Variants in SLC5A4 observed in about 807,000 individuals in gnomAD.
SLC5A4 encodes the protein probable glucose sensor protein SLC5A4.
SLC5A4 carries 55 observed loss-of-function variants against 70.3 expected under a neutral mutation model. The observed-to-expected ratio is 0.78, with a 90% confidence interval of 0.63 to 0.98. The LOEUF (loss-of-function observed/expected upper bound fraction) is 0.98. Among genes scored for constraint, SLC5A4 ranks in the 50% least tolerant of loss-of-function variants. SLC5A4 has a pLI of 0.00. For synonymous variants in SLC5A4, 268 were observed against 305.7 expected (o/e 0.88, Z 1.29); for missense variants, 735 against 839.2 (o/e 0.88, Z 1.53).
the SLC5A4 span, among the ~76,000 whole-genome samples, chr22:32,263,342 C>T: frequency 6.6e-6 from 1 of 152,152 alleles, no homozygotes; most frequent in African/African-American, 2.4e-5. Context: ...TAAGAGAATA[C>T]TATAAACATT....
At chr22:32,305,191 GC>G in the SLC5A4 span, among the ~76,000 whole-genome samples, 68 of 151,476 alleles carry the variant, frequency 4.5e-4, no homozygotes, top group African/African-American at 1.6e-3. Context: ...TTTCTAATCA[GC>G]TCTTTAAAAA....
chr22:32,340,785 T>C, the SLC5A4 span, among the ~76,000 whole-genome samples: 2 of 152,006 alleles, frequency 1.3e-5, no homozygotes, highest in African/African-American at 4.8e-5. Context: ...GGTCAGATCA[T>C]GTTGTTGGCC....
chr22:32,247,562 T>C (rs1569380113), intron 4 of SLC5A4, 47 bp from the exon 5 acceptor site: 2 of 1,217,858 alleles, frequency 1.6e-6, no homozygotes, highest in Non-Finnish European at 2.4e-6. Flanking sequence ...CTTAGGGCCC[T>C]GTGCGTTCAG....
intron 5 of SLC5A4, among the ~76,000 whole-genome samples, chr22:32,246,205 C>T (rs182616674): frequency 9.5e-4 from 145 of 152,318 alleles, no homozygotes; most frequent in Admixed American, 2.4e-3. Flanking sequence ...AGAATCTTTG[C>T]TACGCTCACA....
At chr22:32,223,839 A>T (rs1925226143) in intron 13 of SLC5A4, among the ~76,000 whole-genome samples, 1 of 152,186 alleles carries the variant, frequency 6.6e-6, no homozygotes, top group African/African-American at 2.4e-5. Context: ...TGACTGAATG[A>T]TAATCTCTTA....
At chr22:32,309,017 C>A in the SLC5A4 span, among the ~76,000 whole-genome samples, 4 of 152,160 alleles carry the variant, frequency 2.6e-5, no homozygotes, top group African/African-American at 9.7e-5. Context: ...CAGCTCACTG[C>A]AAGCTCTGCC....
At chr22:32,304,631 C>T in the SLC5A4 span, among the ~76,000 whole-genome samples, 72,898 of 152,018 alleles carry the variant, frequency 0.48, 17,631 homozygotes, top group Admixed American at 0.51. Context: ...TGGCTAATGA[C>T]CCTTTAGCAG....
chr22:32,255,411 G>T, upstream of SLC5A4: 1 of 1,489,188 alleles, frequency 6.7e-7, no homozygotes, highest in Non-Finnish European at 9.3e-7. Flanking sequence ...TCAGGCAGGT[G>T]GGGCGAGATA....
At chr22:32,309,377 GTATTAT>G in the SLC5A4 span, among the ~76,000 whole-genome samples, 10 of 151,994 alleles carry the variant, frequency 6.6e-5, no homozygotes, top group African/African-American at 2.2e-4. Context: ...GTGTTTTTTT[GTATTAT>G]TATTATTACA....
the SLC5A4 span, among the ~76,000 whole-genome samples, chr22:32,328,919 G>A: frequency 6.6e-6 from 1 of 152,200 alleles, no homozygotes; most frequent in African/African-American, 2.4e-5. Flanking sequence ...CCAGTGATGG[G>A]GAGCTCCCTG....
At chr22:32,283,295 G>C in the SLC5A4 span, among the ~76,000 whole-genome samples, 1 of 152,098 alleles carries the variant, frequency 6.6e-6, no homozygotes, top group Non-Finnish European at 1.5e-5. Flanking sequence ...TATTCGCTGG[G>C]CTCACACCCT....
chr22:32,315,063 CTTAAAAATG>C, the SLC5A4 span, among the ~76,000 whole-genome samples: 8 of 152,148 alleles, frequency 5.3e-5, no homozygotes, highest in Non-Finnish European at 8.8e-5. Flanking sequence ...GAACTGTATA[CTTAAAAATG>C]GTTAAAATGG....
chr22:32,241,034 G>T (rs541353182), intron 5 of SLC5A4, among the ~76,000 whole-genome samples: 4 of 152,306 alleles, frequency 2.6e-5, no homozygotes, highest in African/African-American at 9.6e-5. Context: ...AGATGACAGG[G>T]TATTTCCGTG....
At chr22:32,343,479 AG>A in the SLC5A4 span, among the ~76,000 whole-genome samples, 4 of 152,244 alleles carry the variant, frequency 2.6e-5, no homozygotes, top group African/African-American at 9.6e-5. Context: ...TTCCATTTTA[AG>A]AAATGGAGAA....
At chr22:32,280,654 C>A in the SLC5A4 span, among the ~76,000 whole-genome samples, 1 of 152,174 alleles carries the variant, frequency 6.6e-6, no homozygotes, top group African/African-American at 2.4e-5. Flanking sequence ...TTCATGGCAT[C>A]CCATGTCTAG....
At chr22:32,331,733 C>G in the SLC5A4 span, among the ~76,000 whole-genome samples, 1 of 152,054 alleles carries the variant, frequency 6.6e-6, no homozygotes, top group South Asian at 2.1e-4. Flanking sequence ...ATCGCAGGAG[C>G]GACAGGCGGA....
the SLC5A4 span, among the ~76,000 whole-genome samples, chr22:32,311,979 C>T: frequency 1.3e-5 from 2 of 152,108 alleles, no homozygotes; most frequent in South Asian, 4.1e-4. Context: ...CCTGGGCACC[C>T]CCCTTCCCCA....
chr22:32,250,002 G>T (rs909738483), intron 3 of SLC5A4, among the ~76,000 whole-genome samples: 6 of 152,136 alleles, frequency 3.9e-5, no homozygotes, highest in Non-Finnish European at 5.9e-5. Flanking sequence ...GCAGTCAAAA[G>T]ATTGGACACC....
rs1195843502 is a variant in SLC5A4, at chr22:32,239,072, C to T, written c.496G>A (p.Ala166Thr). 2 of 1,613,716 alleles carry T rather than the reference C, an allele frequency of 1.2e-6. No individual in the cohort carries two copies. Among genetic ancestry groups the T allele is most frequent in the African/African-American group, 1.3e-5 (1 of 75,004 alleles). ...CCCAAGGCCAGCTTGATGAATATGG[C>T]TCCAGCAAATATGTCTGCCTAAAAA... Reference protein sequence around the residue: ...LLISADIFAGAIFIKLALGLD... With the variant: ...LLISADIFAGTIFIKLALGLD... Residue 166 changes from alanine to threonine, a missense_variant, in exon 6 of 15, where the codon GCC becomes ACC. By Grantham distance (58) the Ala-to-Thr change is moderately conservative (BLOSUM62 0). Transcript: ENST00000266086.
Sources: gnomAD v4.1 joint callset for allele counts (sites outside exome capture counted in the v4.1 genomes callset) on GRCh38, gnomAD v4.1.1 for gene constraint, MANE v1.5 for transcripts, NCBI Gene and HGNC (gene_info 2026-07-23, HGNC 2026-07-21) for gene names.